ST8SIA1: variants seen among roughly 807,000 people sequenced by gnomAD.
ST8SIA1 encodes alpha-N-acetylneuraminide alpha-2,8-sialyltransferase.
ST8SIA1 carries 16 observed loss-of-function variants against 35.9 expected under a neutral mutation model. The observed-to-expected ratio is 0.45, with a 90% CI of 0.30 to 0.68. The LOEUF (loss-of-function observed/expected upper bound fraction) is 0.68. Among genes scored for constraint, ST8SIA1 ranks in the 30% least tolerant of loss-of-function variants. ST8SIA1 has a pLI of 0.09. For synonymous variants in ST8SIA1, 170 were observed against 169.6 expected, an observed-to-expected ratio of 1.00 and a Z score of -0.02; for missense variants, 383 against 453.6, an observed-to-expected ratio of 0.84 and a Z score of 1.41.
At chr12:22,209,518 G>C (rs1865153791) in intron 4 of ST8SIA1, among the ~76,000 whole-genome samples, 1 of 152,168 alleles carries the variant, frequency 6.6e-6, no homozygotes, top group Non-Finnish European at 1.5e-5. Context: ...GTGAGAAACA[G>C]TACACTTTTA....
At chr12:22,325,512 T>C in intron 1 of ST8SIA1, 4 of 701,528 alleles carry the variant, frequency 5.7e-6, no homozygotes, top group Non-Finnish European at 7.8e-6. Context: ...CAAAACTCAT[T>C]ATCATTATCC....
chr12:22,263,813 A>G (rs1488422754), intron 2 of ST8SIA1, among the ~76,000 whole-genome samples: 1 of 152,190 alleles, frequency 6.6e-6, no homozygotes, highest in Non-Finnish European at 1.5e-5. Context: ...ACAATCAAGA[A>G]GAATCAATAG....
At position 22,218,658 on chromosome 12, in the gene ST8SIA1, T is replaced by C. The variant is rs1865262505; in HGVS notation, c.585-16620A>G. Among the ~76,000 whole-genome samples, 9 of 56,542 alleles carry C rather than the reference T, an allele frequency of 1.6e-4. No homozygotes were observed. The Admixed American group carries it at 1.6e-3, about 10-fold the overall frequency. The allele number at this position is 56,542 out of a possible 152,430, so 37.1% of individuals were successfully genotyped here. On this transcript the variant is annotated intron_variant, in intron 4 of 4. Coordinates refer to ENST00000396037, the MANE Select transcript of ST8SIA1 (RefSeq NM_003034.4). The stretch of plus-strand genomic sequence containing the variant: ...AAATACAAAAAGTAGCCAGGCCTGG[T>C]GGCAGGCGCCTATAATCCCAGCTAC...
At chr12:22,320,508 C>A (rs1866572941) in intron 1 of ST8SIA1, among the ~76,000 whole-genome samples, 2 of 152,106 alleles carry the variant, frequency 1.3e-5, no homozygotes, top group South Asian at 2.1e-4. Flanking sequence ...TCCCTCCCTG[C>A]CAACACAGAA....
intron 4 of ST8SIA1, among the ~76,000 whole-genome samples, chr12:22,242,453 A>C (rs927407942): frequency 2.6e-5 from 4 of 152,140 alleles, no homozygotes; most frequent in Non-Finnish European, 4.4e-5. Context: ...AAATTCTGAC[A>C]ATATATATAT....
chr12:22,202,570 G>T (rs1865060636), intron 4 of ST8SIA1, among the ~76,000 whole-genome samples: 1 of 152,188 alleles, frequency 6.6e-6, no homozygotes, highest in Non-Finnish European at 1.5e-5. Context: ...ATTACAAAAT[G>T]ATGCAGGGAG....
intron 1 of ST8SIA1, among the ~76,000 whole-genome samples, chr12:22,328,523 T>C (rs1044785978): frequency 1.3e-5 from 2 of 152,244 alleles, no homozygotes; most frequent in East Asian, 1.9e-4. Flanking sequence ...TCTCTCATCA[T>C]TATCCTATAA....
rs117085770 is a variant in ST8SIA1, at chr12:22,317,572, G to A, written c.236+16425C>T. Among the ~76,000 whole-genome samples the A allele has an allele frequency of 1.4e-3, 215 of 152,216 alleles. 2 individuals are homozygous for A. The East Asian group carries it at 0.027, about 19-fold the overall frequency. On this transcript the variant is annotated intron_variant, in intron 1 of 4. Coordinates refer to ENST00000396037, the MANE Select transcript of ST8SIA1 (RefSeq NM_003034.4). ...TATCAACCAGAACTGCAGTTTTTTC[G>A]CACAAGGGTCTCTCCATAGACTGCC...
chr12:22,321,026 GAA>G (rs373901223), intron 1 of ST8SIA1, among the ~76,000 whole-genome samples: 7,627 of 84,046 alleles, frequency 0.091, 354 homozygotes, highest in African/African-American at 0.18. Context: ...AAGAAAGAAA[GAA>G]AGAAAGAGAA....
At chr12:22,275,364 G>A (rs1865956866) in intron 2 of ST8SIA1, among the ~76,000 whole-genome samples, 1 of 152,156 alleles carries the variant, frequency 6.6e-6, no homozygotes, top group South Asian at 2.1e-4. Context: ...AGACCAGCCT[G>A]GCCAACATGG....
chr12:22,332,402 C>T (rs945983055), intron 1 of ST8SIA1, among the ~76,000 whole-genome samples: 8 of 152,100 alleles, frequency 5.3e-5, no homozygotes, highest in Admixed American at 6.5e-5. Context: ...TTCATTATTC[C>T]TCCTCCTATA....
chr12:22,215,994 T>C (rs955498587), intron 4 of ST8SIA1, among the ~76,000 whole-genome samples: 5 of 152,298 alleles, frequency 3.3e-5, no homozygotes, highest in Non-Finnish European at 4.4e-5. Flanking sequence ...CAGTGCAGAA[T>C]AGAACCATTC....
chr12:22,287,259 G>C lies in ST8SIA1; in HGVS notation c.271C>G (p.Leu91Val). 1 of 1,614,078 alleles carries C rather than the reference G, an allele frequency of 6.2e-7. No individual in the cohort carries two copies. The highest frequency in any genetic ancestry group is 2.2e-5 in the East Asian group (1 of 44,864). The change falls in exon 2 of 5, where the codon CTC becomes GTC. Residue 91 changes from leucine to valine, a missense_variant. By Grantham distance (32) the Leu-to-Val change is conservative. Coordinates refer to ENST00000396037, the MANE Select transcript of ST8SIA1 (RefSeq NM_003034.4). ...QMEDCCDPAH[L>V]FAMTKMNSPM... ...GAATTCATTTTAGTCATAGCAAAGA[G>C]ATGGGCAGGGTCGCAGCAGTCTTCC...
At chr12:22,244,336 G>A (rs1325205482) in intron 4 of ST8SIA1, among the ~76,000 whole-genome samples, 1 of 152,042 alleles carries the variant, frequency 6.6e-6, no homozygotes, top group African/African-American at 2.4e-5. Flanking sequence ...GCAATCCAGA[G>A]GTCCCATTAT....
At chr12:22,255,417 C>G (rs1208107685) in intron 2 of ST8SIA1, 28 bp from the exon 3 acceptor site, 2 of 1,582,628 alleles carry the variant, frequency 1.3e-6, no homozygotes, top group African/African-American at 2.7e-5. Context: ...GGCGGGTTTT[C>G]ACTGCAAAGA....
At chr12:22,286,995 C>T (rs1866108064) in intron 2 of ST8SIA1, among the ~76,000 whole-genome samples, 154 bp downstream of exon 2, 1 of 152,154 alleles carries the variant, frequency 6.6e-6, no homozygotes, top group Non-Finnish European at 1.5e-5. Context: ...GATTTATTCA[C>T]ACACACAGAT....
intron 1 of ST8SIA1, among the ~76,000 whole-genome samples, chr12:22,323,571 C>T (rs1232631217): frequency 1.3e-5 from 2 of 152,154 alleles, no homozygotes; most frequent in Non-Finnish European, 2.9e-5. Context: ...TTCACTGCAG[C>T]ACTATTCACA....
intron 1 of ST8SIA1, among the ~76,000 whole-genome samples, chr12:22,330,343 G>A (rs937066425): frequency 1.3e-5 from 2 of 152,156 alleles, no homozygotes; most frequent in Non-Finnish European, 2.9e-5. Flanking sequence ...TCCAGGCGCT[G>A]TCTATATGCT....
intron 1 of ST8SIA1, among the ~76,000 whole-genome samples, chr12:22,295,536 C>T (rs1298411075): frequency 6.6e-6 from 1 of 151,904 alleles, no homozygotes; most frequent in African/African-American, 2.4e-5. Flanking sequence ...AGTTTGAGAC[C>T]AGCCTGGGCA....
Sources: allele counts gnomAD v4.1 joint callset (sites outside exome capture counted in the v4.1 genomes callset), GRCh38; gene constraint gnomAD v4.1.1; transcripts MANE v1.5; gene names NCBI Gene and HGNC (gene_info 2026-07-23, HGNC 2026-07-21).